Variants in EBF1 observed in about 807,000 individuals in gnomAD.
EBF1 encodes the protein transcription factor COE1.
A neutral mutation model predicts 68.4 loss-of-function variants in EBF1; 10 were observed. The ratio of observed to expected loss-of-function variants is 0.15; its 90% CI spans 0.09 to 0.25. EBF1 has a LOEUF of 0.25. EBF1 is among the 10% of genes least tolerant of loss of function. The pLI is 1.00. For synonymous variants in EBF1, 298 were observed against 299.8 expected (o/e 0.99, Z 0.06); for missense variants, 509 against 794.4 (o/e 0.64, Z 4.32).
intron 9 of EBF1, 71 bp from the exon 10 acceptor site, chr5:158,777,610 T>G: frequency 2.1e-6 from 3 of 1,458,918 alleles, no homozygotes; most frequent in Non-Finnish European, 2.8e-6. Flanking sequence ...CTAATAGCTC[T>G]CCATAAACAA....
intron 9 of EBF1, among the ~76,000 whole-genome samples, chr5:158,785,033 T>C (rs1247911364): frequency 1.3e-5 from 2 of 152,198 alleles, no homozygotes; most frequent in African/African-American, 4.8e-5. Context: ...AATTTTTTAA[T>C]TTATGTATTA....
At chr5:158,773,315 G>C (rs1429336363) in intron 10 of EBF1, among the ~76,000 whole-genome samples, 1 of 152,176 alleles carries the variant, frequency 6.6e-6, no homozygotes, top group Non-Finnish European at 1.5e-5. Context: ...TGGGCACAAG[G>C]TACAAACAGG....
chr5:159,082,392 C>T (rs1779900075), intron 5 of EBF1, among the ~76,000 whole-genome samples: 1 of 152,182 alleles, frequency 6.6e-6, no homozygotes, highest in South Asian at 2.1e-4. Flanking sequence ...GAAGAAATTT[C>T]ATCTTGGGGA....
At chr5:158,867,908 C>T (rs2128051017) in intron 6 of EBF1, among the ~76,000 whole-genome samples, 1 of 152,272 alleles carries the variant, frequency 6.6e-6, no homozygotes, top group African/African-American at 2.4e-5. Flanking sequence ...TCAGACTCTG[C>T]CTTCATTTGT....
intron 6 of EBF1, among the ~76,000 whole-genome samples, chr5:159,023,100 C>T (rs575676217): frequency 2.6e-5 from 4 of 151,378 alleles, no homozygotes; most frequent in Non-Finnish European, 4.4e-5. Context: ...GGGCCATTAA[C>T]AGTAATAACA....
chr5:159,033,314 T>C (rs1457499828), intron 6 of EBF1, among the ~76,000 whole-genome samples: 1 of 152,238 alleles, frequency 6.6e-6, no homozygotes, highest in Non-Finnish European at 1.5e-5. Context: ...AGATCCTGGA[T>C]ACAGAAATGC....
intron 11 of EBF1, among the ~76,000 whole-genome samples, chr5:158,725,423 C>A (rs1161084465): frequency 6.6e-6 from 1 of 152,256 alleles, no homozygotes; most frequent in Non-Finnish European, 1.5e-5. Context: ...TGAACAACAA[C>A]TTTTTGCTCC....
Position 158,814,212 on chromosome 5 carries a change from G to A in EBF1, c.778+8964C>T, listed in dbSNP as rs112637828. ...AAAATAATTAGCCTGATGTGATGGAGTGCACCTGTAGTCCCAGCTACTTGG... is the reference window on the plus strand; with the variant it reads ...AAAATAATTAGCCTGATGTGATGGAATGCACCTGTAGTCCCAGCTACTTGG... On this transcript the variant is annotated intron_variant, in intron 8 of 15. Transcript: ENST00000313708. 3.3e-3 allele frequency among the ~76,000 whole-genome samples: 506 copies of A among 152,216 alleles called. 3 individuals carry two copies. Among genetic ancestry groups the A allele is most frequent in the African/African-American group, 0.012 (484 of 41,544 alleles).
chr5:159,030,895 G>A (rs978889570), intron 6 of EBF1, among the ~76,000 whole-genome samples: 8 of 152,138 alleles, frequency 5.3e-5, no homozygotes, highest in African/African-American at 1.7e-4. Flanking sequence ...AACAGTAGCC[G>A]GGCATGGTGG....
intron 6 of EBF1, among the ~76,000 whole-genome samples, chr5:158,878,027 G>A (rs779923207): frequency 2.3e-4 from 35 of 151,692 alleles, no homozygotes; most frequent in Non-Finnish European, 4.4e-4. Flanking sequence ...AGGTGCTCAC[G>A]TCCAAAGAAA....
chr5:159,078,385 A>G (rs2127961743), intron 5 of EBF1, among the ~76,000 whole-genome samples: 1 of 152,358 alleles, frequency 6.6e-6, no homozygotes, highest in South Asian at 2.1e-4. Context: ...TACTGAAACA[A>G]TTCCGTAGAT....
chr5:158,907,152 T>C (rs2127338736), intron 6 of EBF1, among the ~76,000 whole-genome samples: 1 of 152,324 alleles, frequency 6.6e-6, no homozygotes, highest in African/African-American at 2.4e-5. Context: ...TGATAGTTTC[T>C]GAAACAGACA....
At chr5:158,739,176 A>G (rs1476057111) in intron 10 of EBF1, among the ~76,000 whole-genome samples, 1 of 152,210 alleles carries the variant, frequency 6.6e-6, no homozygotes, top group Non-Finnish European at 1.5e-5. Context: ...AATTTATACT[A>G]CAACCGGTTG....
chr5:158,814,923 T>A (rs1429298565), intron 8 of EBF1, among the ~76,000 whole-genome samples: 1 of 152,138 alleles, frequency 6.6e-6, no homozygotes, highest in African/African-American at 2.4e-5. Flanking sequence ...AAATCAACTA[T>A]AAAGTAAATA....
chr5:158,749,093 T>C (rs1360064548), intron 10 of EBF1, among the ~76,000 whole-genome samples: 1 of 152,132 alleles, frequency 6.6e-6, no homozygotes, highest in Non-Finnish European at 1.5e-5. Context: ...TGCCCTTCTA[T>C]GCCAGGAGAA....
At chr5:158,799,565 T>C (rs1317611057) in intron 8 of EBF1, among the ~76,000 whole-genome samples, 3 of 152,086 alleles carry the variant, frequency 2.0e-5, no homozygotes, top group Non-Finnish European at 4.4e-5. Flanking sequence ...CAAAAGAGAA[T>C]CAGGCCCAAG....
chr5:158,718,793 C>T (rs951080885), intron 11 of EBF1, among the ~76,000 whole-genome samples: 1 of 152,096 alleles, frequency 6.6e-6, no homozygotes, highest in South Asian at 2.1e-4. Flanking sequence ...ATCTCTATTT[C>T]CTCTGAAAAA....
chr5:159,089,779 GAAAAAGA>G (rs1299763280), intron 4 of EBF1, among the ~76,000 whole-genome samples: 2 of 135,174 alleles, frequency 1.5e-5, no homozygotes, highest in Non-Finnish European at 3.2e-5. Context: ...AGAGGAAGAG[GAAAAAGA>G]AAAAAGAAAA....
intron 10 of EBF1, among the ~76,000 whole-genome samples, chr5:158,775,430 A>G (rs537707495): frequency 6.6e-4 from 100 of 152,182 alleles, no homozygotes; most frequent in Middle Eastern, 6.8e-3. Flanking sequence ...TTGTCACCAA[A>G]GCGGAAACCA....
Sources: gnomAD v4.1 joint callset for allele counts (sites outside exome capture counted in the v4.1 genomes callset) on GRCh38, gnomAD v4.1.1 for gene constraint, MANE v1.5 for transcripts, NCBI Gene and HGNC (gene_info 2026-07-23, HGNC 2026-07-21) for gene names.